Variants in KLF8 observed in about 807,000 individuals in gnomAD.
KLF8 encodes KLF transcription factor 8.
KLF8 carries 10 observed loss-of-function variants against 18.2 expected under a neutral mutation model. The observed-to-expected ratio is 0.55, with a 90% CI of 0.34 to 0.93. The LOEUF (loss-of-function observed/expected upper bound fraction) is 0.93. KLF8 is among the 40% of genes least tolerant of loss of function. KLF8 has a pLI of 0.02. For missense variants in KLF8, 264 were observed against 277.9 expected, an observed-to-expected ratio of 0.95 and a Z score of 0.36; for synonymous variants, 109 against 97.3, an observed-to-expected ratio of 1.12 and a Z score of -0.71.
At chrX:56,270,467 G>T (rs1241987608) in intron 5 of KLF8, 146 bp downstream of exon 5, 2 of 715,770 alleles carry the variant, frequency 2.8e-6, no homozygotes, top group East Asian at 7.8e-5. Context: ...AGAGAATGAA[G>T]TCCTGAAACA....
At chrX:56,155,023 C>G in the KLF8 span, among the ~76,000 whole-genome samples, 4 of 112,015 alleles carry the variant, frequency 3.6e-5, no homozygotes, top group Admixed American at 2.8e-4. Flanking sequence ...TAAACTAGTT[C>G]AACCATTGTG....
the KLF8 span, among the ~76,000 whole-genome samples, chrX:55,994,363 CA>C: frequency 9.2e-6 from 1 of 108,869 alleles, no homozygotes; most frequent in East Asian, 2.8e-4. Flanking sequence ...CTTATTATTT[CA>C]AAAAAACAAC....
the KLF8 span, among the ~76,000 whole-genome samples, chrX:56,072,521 T>G: frequency 9.0e-6 from 1 of 111,400 alleles, no homozygotes; most frequent in Non-Finnish European, 1.9e-5. Flanking sequence ...CCGCTAATAT[T>G]AGTTTAATGT....
At chrX:56,173,281 T>G in the KLF8 span, among the ~76,000 whole-genome samples, 319 of 111,655 alleles carry the variant, frequency 2.9e-3, 1 homozygote, top group East Asian at 5.3e-3. Context: ...TTTGTATAAG[T>G]TGTAAGGAAG....
the KLF8 span, among the ~76,000 whole-genome samples, chrX:56,203,031 A>G: frequency 9.0e-6 from 1 of 111,217 alleles, no homozygotes; most frequent in Non-Finnish European, 1.9e-5. Context: ...GTACTAATTT[A>G]CACCCCCACC....
At chrX:56,078,571 A>C in the KLF8 span, among the ~76,000 whole-genome samples, 5 of 111,812 alleles carry the variant, frequency 4.5e-5, no homozygotes, top group Non-Finnish European at 7.5e-5. Flanking sequence ...TTTTTGCATC[A>C]ATGTTCATCA....
At chrX:56,117,603 T>A in the KLF8 span, among the ~76,000 whole-genome samples, 1 of 112,329 alleles carries the variant, frequency 8.9e-6, no homozygotes, top group African/African-American at 3.2e-5. Flanking sequence ...TACATTCTTA[T>A]TAAATATGCC....
At chrX:56,204,352 C>T in the KLF8 span, among the ~76,000 whole-genome samples, 2 of 111,435 alleles carry the variant, frequency 1.8e-5, no homozygotes, top group Admixed American at 1.9e-4. Context: ...AATATATGAT[C>T]ATATCATCAG....
At chrX:56,125,372 C>T in the KLF8 span, among the ~76,000 whole-genome samples, 2 of 111,521 alleles carry the variant, frequency 1.8e-5, no homozygotes, top group Admixed American at 1.9e-4. Context: ...TGTGTCTGTC[C>T]TATACTAAAG....
chrX:55,956,134 TATC>T, the KLF8 span, among the ~76,000 whole-genome samples: 1 of 51,332 alleles, frequency 1.9e-5, no homozygotes, highest in Non-Finnish European at 3.2e-5. Context: ...TCTATTTATC[TATC>T]TATCTATCTA....
chrX:56,265,720 G>A lies in KLF8; in HGVS notation c.622G>A (p.Gly208Arg), dbSNP rs1402386561. The change falls in exon 3 of 6, where the codon GGA (glycine) becomes AGA (arginine). Residue 208 changes from glycine (G) to arginine (R), a missense_variant. Physicochemically the swap from Gly to Arg is moderately radical, Grantham distance 125. Around this residue, in one of 2 missense-constraint regions of KLF8, gnomAD observed 221 missense variants for 193.6 expected, o/e 1.14. Transcript: ENST00000468660. Reference sequence around the variant, plus strand: ...AGCCATTACAGTCCCACTCATTGGAGGAGATGGTAAAAATGCTGGATCAGG... The same window carrying A: ...AGCCATTACAGTCCCACTCATTGGAAGAGATGGTAAAAATGCTGGATCAGG... ...PAAITVPLIGGDGKNAGSVKV... is the reference protein window; with the variant it reads ...PAAITVPLIGRDGKNAGSVKV... 1.7e-6 allele frequency: 2 copies of A among 1,202,403 alleles called. No homozygotes were observed. Among genetic ancestry groups the A allele is most frequent in the Non-Finnish European group, 2.2e-6 (2 of 893,206 alleles).
the KLF8 span, among the ~76,000 whole-genome samples, chrX:56,074,013 G>T: frequency 8.9e-6 from 1 of 111,917 alleles, no homozygotes; most frequent in African/African-American, 3.2e-5. Context: ...CTCCCAAAGT[G>T]CTGGAATTAC....
Position 56,233,171 on chromosome X carries a change from G to C in KLF8, c.-164G>C. Reference sequence around the variant, plus strand: ...CTCATTTTCCAGCCCGGAGAAATAGGGGAGTGGGGGCCCAAGAACGAGAAG... The same window carrying C: ...CTCATTTTCCAGCCCGGAGAAATAGCGGAGTGGGGGCCCAAGAACGAGAAG... On this transcript the variant is annotated 5_prime_UTR_variant, in exon 1 of 6. Coordinates refer to ENST00000468660, the MANE Select transcript of KLF8 (RefSeq NM_007250.5). 1 of 572,840 alleles carries C rather than the reference G, an allele frequency of 1.7e-6. No homozygotes were observed. The allele number at this position is 572,840 out of a possible 1,213,427, so 47.2% of individuals were successfully genotyped here.
At chrX:56,068,004 A>C in the KLF8 span, among the ~76,000 whole-genome samples, 13 of 111,970 alleles carry the variant, frequency 1.2e-4, no homozygotes, top group Non-Finnish European at 3.8e-5. Flanking sequence ...CCACCTTGCC[A>C]ATGGTAGCCA....
At chrX:55,927,602 TC>T in the KLF8 span, among the ~76,000 whole-genome samples, 1 of 112,183 alleles carries the variant, frequency 8.9e-6, no homozygotes, top group East Asian at 2.8e-4. Context: ...CTATTAATTT[TC>T]CAGTCTAGGG....
At chrX:56,204,217 A>G in the KLF8 span, among the ~76,000 whole-genome samples, 2 of 111,882 alleles carry the variant, frequency 1.8e-5, no homozygotes, top group African/African-American at 6.5e-5. Context: ...AATGTTTTTC[A>G]GACTGTTCAC....
At chrX:56,147,099 A>G in the KLF8 span, among the ~76,000 whole-genome samples, 1 of 112,092 alleles carries the variant, frequency 8.9e-6, no homozygotes, top group Non-Finnish European at 1.9e-5. Flanking sequence ...GTATAATAGC[A>G]TCATGTTATT....
chrX:56,017,390 C>T, the KLF8 span, among the ~76,000 whole-genome samples: 1 of 112,585 alleles, frequency 8.9e-6, no homozygotes, highest in East Asian at 2.8e-4. Flanking sequence ...TGAAAGCATT[C>T]TTTCTGCCCT....
the KLF8 span, among the ~76,000 whole-genome samples, chrX:56,084,909 C>T: frequency 8.9e-6 from 1 of 112,256 alleles, no homozygotes; most frequent in African/African-American, 3.2e-5. Context: ...CTTTCTATCT[C>T]ATATGATTGG....
Sources: gnomAD v4.1 joint callset for allele counts (sites outside exome capture counted in the v4.1 genomes callset) on GRCh38, gnomAD v4.1.1 for gene constraint, gnomAD v4.1.1 regional missense constraint, MANE v1.5 for transcripts, NCBI Gene and HGNC (gene_info 2026-07-23, HGNC 2026-07-21) for gene names.